ARHGEF37: variants seen among roughly 807,000 people sequenced by gnomAD.
The protein encoded by ARHGEF37 is Rho guanine nucleotide exchange factor 37.
In ARHGEF37, 55 loss-of-function variants were observed where a neutral mutation model predicts 71.1. That is an observed-to-expected ratio of 0.77 (90% CI 0.62 to 0.97). The LOEUF is 0.97. ARHGEF37 is among the 50% of genes least tolerant of loss of function. The pLI is 0.00. For synonymous variants in ARHGEF37, 327 were observed against 350.6 expected, an observed-to-expected ratio of 0.93 and a Z score of 0.75; for missense variants, 765 against 836.8, an observed-to-expected ratio of 0.91 and a Z score of 1.06.
Position 149,553,945 on chromosome 5 carries a change from A to C in ARHGEF37, c.-12+1822A>C, listed in dbSNP as rs536340007. Among the ~76,000 whole-genome samples the C allele has an allele frequency of 1.8e-4, 28 of 152,306 alleles. No homozygotes were observed. In the South Asian group the frequency reaches 5.6e-3, roughly 30 times the overall value. On this transcript the variant is annotated intron_variant, in intron 1 of 2. Transcript: ENST00000505810. ...CACTTTGGGAGGCCAAGGAAGGGCA[A>C]TCACCTGAGGTCAGGAGTTCGAGAC...
intron 1 of ARHGEF37, among the ~76,000 whole-genome samples, chr5:149,571,753 T>C (rs192209290): frequency 9.9e-5 from 15 of 151,884 alleles, no homozygotes; most frequent in Admixed American, 9.8e-4. Flanking sequence ...AAACCCTGTC[T>C]TTACAAAAAA....
chr5:149,600,775 G>A (rs1763731194), intron 2 of ARHGEF37, among the ~76,000 whole-genome samples: 1 of 151,982 alleles, frequency 6.6e-6, no homozygotes, highest in Admixed American at 6.6e-5. Flanking sequence ...GAGTAGCTGG[G>A]ATTACAAGCA....
At chr5:149,592,546 AG>A (rs758854159) in intron 1 of ARHGEF37, among the ~76,000 whole-genome samples, 3 of 152,210 alleles carry the variant, frequency 2.0e-5, no homozygotes, top group Non-Finnish European at 4.4e-5. Context: ...CATCTATTAA[AG>A]GAAATTTTGG....
At chr5:149,568,388 C>T (rs1273555038) in intron 1 of ARHGEF37, among the ~76,000 whole-genome samples, 1 of 151,926 alleles carries the variant, frequency 6.6e-6, no homozygotes, top group East Asian at 1.9e-4. Context: ...ACCTGTACCT[C>T]CGAAAAAGCA....
intron 1 of ARHGEF37, among the ~76,000 whole-genome samples, chr5:149,558,257 C>T (rs1196796655): frequency 6.6e-6 from 1 of 152,260 alleles, no homozygotes; most frequent in East Asian, 1.9e-4. Flanking sequence ...CATGCAATCC[C>T]AGCACTTTGG....
chr5:149,598,150 C>G (rs1196187147), intron 2 of ARHGEF37, among the ~76,000 whole-genome samples, 195 bp downstream of exon 2: 1 of 152,206 alleles, frequency 6.6e-6, no homozygotes. Context: ...TCTTCCATGG[C>G]TTAGAGTCTT....
Position 149,622,057 on chromosome 5 carries a change from G to C in ARHGEF37, c.1330G>C (p.Ala444Pro), listed in dbSNP as rs908469154. ...QVLQRAEGSM[A>P]QLPHHHVPEP... ...GCTGCAGAGGGCAGAGGGAAGCATGGCCCAGGTAAGGCCTCTGAGACTTGG... is the reference window on the plus strand; with the variant it reads ...GCTGCAGAGGGCAGAGGGAAGCATGCCCCAGGTAAGGCCTCTGAGACTTGG... The change falls in exon 9 of 13, where the codon GCC becomes CCC. Residue 444 changes from alanine to proline, a missense_variant. Around this residue, in one of 5 missense-constraint regions of ARHGEF37, gnomAD observed 390 missense variants for 407.4 expected, o/e 0.96. Coordinates refer to ENST00000333677, the MANE Select transcript of ARHGEF37 (RefSeq NM_001001669.3). 23 of 1,606,404 alleles carry C rather than the reference G, an allele frequency of 1.4e-5. No homozygotes were observed. The highest frequency in any genetic ancestry group is 1.9e-5 in the Non-Finnish European group (22 of 1,175,570).
At chr5:149,626,184 G>T (rs1752678150) in intron 10 of ARHGEF37, among the ~76,000 whole-genome samples, 1 of 149,730 alleles carries the variant, frequency 6.7e-6, no homozygotes, top group Admixed American at 6.7e-5. Flanking sequence ...GGGCATCTCT[G>T]CCTGCCTCCC....
chr5:149,618,206 C>G lies in ARHGEF37; in HGVS notation c.689C>G (p.Thr230Ser), dbSNP rs1352219511. The G allele has an allele frequency of 1.1e-5, 17 of 1,614,126 alleles. No individual in the cohort carries two copies. The highest frequency in any genetic ancestry group is 1.4e-5 in the Non-Finnish European group (16 of 1,180,038). ...ASKYTKVEQL[T>S]LRERLARINT... Reference sequence around the variant, plus strand: ...AAGTACACCAAGGTAGAGCAGCTGACCCTCCGGGAGCGGCTGGCCCGCATC... The same window carrying G: ...AAGTACACCAAGGTAGAGCAGCTGAGCCTCCGGGAGCGGCTGGCCCGCATC... Residue 230 changes from threonine (T) to serine (S), a missense_variant, in exon 6 of 13, where the codon ACC (threonine) becomes AGC (serine). By Grantham distance (58) the Thr-to-Ser change is moderately conservative. Coordinates refer to ENST00000333677, the MANE Select transcript of ARHGEF37 (RefSeq NM_001001669.3).
At chr5:149,618,823 C>T in intron 6 of ARHGEF37, 115 bp from the exon 7 acceptor site, 1 of 831,178 alleles carries the variant, frequency 1.2e-6, no homozygotes, top group Admixed American at 1.9e-5. Flanking sequence ...TTGCGAGAAC[C>T]AGCTCTGGTG....
At chr5:149,557,194 G>A (rs1286200615) in intron 1 of ARHGEF37, among the ~76,000 whole-genome samples, 1 of 152,190 alleles carries the variant, frequency 6.6e-6, no homozygotes, top group African/African-American at 2.4e-5. Context: ...AAGCCATTGA[G>A]TTCAAGGAAC....
At chr5:149,618,726 C>G (rs1268759214) in intron 6 of ARHGEF37, among the ~76,000 whole-genome samples, 1 of 152,184 alleles carries the variant, frequency 6.6e-6, no homozygotes, top group Non-Finnish European at 1.5e-5. Context: ...GGCTAGGAAG[C>G]CAATGAACTG....
rs370902953 is a variant in ARHGEF37 at position 149,627,131 on chromosome 5, C to T, written c.1520C>T (p.Pro507Leu). Residue 507 changes from proline (P) to leucine (L), a missense_variant, in exon 11 of 13, where the codon CCT (proline) becomes CTT (leucine). By Grantham distance (98) the Pro-to-Leu change is moderately conservative. Coordinates refer to ENST00000333677, the MANE Select transcript of ARHGEF37 (RefSeq NM_001001669.3). The stretch of plus-strand genomic sequence containing the variant: ...CAGGCTCTCCTGAGCAGGTATGGCC[C>T]TGGGAAGCTGTACCAGGTGACAAGC... The part of the protein sequence containing the change: ...QVQALLSRYG[P>L]GKLYQVTSNI... 2 of 1,614,066 alleles carry T rather than the reference C, an allele frequency of 1.2e-6. No homozygotes were observed. The highest frequency in any genetic ancestry group is 1.7e-6 in the Non-Finnish European group (2 of 1,180,052).
At chr5:149,592,533 C>T (rs1204326758) in intron 1 of ARHGEF37, among the ~76,000 whole-genome samples, 1 of 152,092 alleles carries the variant, frequency 6.6e-6, no homozygotes, top group Non-Finnish European at 1.5e-5. Flanking sequence ...TTTGTTTAAC[C>T]ATCATCTATT....
chr5:149,605,797 T>G (rs1175174653), intron 3 of ARHGEF37, among the ~76,000 whole-genome samples: 3 of 152,210 alleles, frequency 2.0e-5, no homozygotes. Flanking sequence ...AGAGGCTAAG[T>G]AACATTCCCA....
chr5:149,567,406 A>G (rs546677405), intron 1 of ARHGEF37, among the ~76,000 whole-genome samples: 1 of 152,252 alleles, frequency 6.6e-6, no homozygotes, highest in South Asian at 2.1e-4. Context: ...CAAAGTTACC[A>G]TTTCCCCTTT....
intron 8 of ARHGEF37, among the ~76,000 whole-genome samples, chr5:149,621,004 T>C (rs1296037800): frequency 6.6e-6 from 1 of 152,186 alleles, no homozygotes; most frequent in East Asian, 1.9e-4. Flanking sequence ...CCTTACATCA[T>C]TTAATCCTCA....
chr5:149,551,679 C>T (rs571928480), upstream of ARHGEF37: 3 of 152,528 alleles, frequency 2.0e-5, no homozygotes, highest in Admixed American at 2.0e-4. Context: ...CTCGGACCCG[C>T]CGGGTCTCTG....
At chr5:149,560,265 G>T (rs925109650) in intron 1 of ARHGEF37, among the ~76,000 whole-genome samples, 2 of 152,022 alleles carry the variant, frequency 1.3e-5, no homozygotes, top group South Asian at 2.1e-4. Flanking sequence ...ATAAGCATGC[G>T]CCACCACGCC....
Sources: gnomAD v4.1 joint callset for allele counts (sites outside exome capture counted in the v4.1 genomes callset) on GRCh38, gnomAD v4.1.1 for gene constraint, gnomAD v4.1.1 regional missense constraint, MANE v1.5 for transcripts, NCBI Gene and HGNC (gene_info 2026-07-23, HGNC 2026-07-21) for gene names.